The following PLEKHA3 variants were observed in gnomAD, a reference collection of about 807,000 sequenced individuals.
PLEKHA3 encodes the protein pleckstrin homology domain-containing family A member 3.
In PLEKHA3, 19 loss-of-function variants were observed where a neutral mutation model predicts 39.2. The observed-to-expected ratio is 0.48, with a 90% confidence interval of 0.34 to 0.71. PLEKHA3 has a LOEUF of 0.71. PLEKHA3 is among the 30% of genes least tolerant of loss of function. The pLI is 0.01. For missense variants in PLEKHA3, 253 were observed against 359.5 expected (o/e 0.70, Z 2.40); for synonymous variants, 97 against 118.6 (o/e 0.82, Z 1.18).
rs1329720301 is a variant in PLEKHA3, at chr2:178,506,760, C to G, written c.*2873C>G. ...TGAGCCTTGATCTGGGTACTTGGTA[C>G]AGAGGGAGTGTCCTGGCCTGAAAGA... On this transcript the variant is annotated 3_prime_UTR_variant, in exon 8 of 8. Transcript: ENST00000234453. The G allele has an allele frequency of 6.6e-6, 1 of 152,150 alleles. No individual in the cohort carries two copies. The highest frequency in any genetic ancestry group is 1.9e-4 in the East Asian group (1 of 5,198). 9.4% of individuals were successfully genotyped at this position (152,150 alleles called of 1,614,324 possible).
intron 7 of PLEKHA3, 49 bp from the exon 8 acceptor site, chr2:178,503,711 G>A: frequency 6.3e-7 from 1 of 1,588,124 alleles, no homozygotes; most frequent in Non-Finnish European, 8.6e-7. Flanking sequence ...ACAGAGGACT[G>A]GAGTTAATAT....
At chr2:178,498,178 C>G (rs1371252247) in intron 5 of PLEKHA3, among the ~76,000 whole-genome samples, 1 of 152,106 alleles carries the variant, frequency 6.6e-6, no homozygotes, top group Non-Finnish European at 1.5e-5. Context: ...ATCACTGGAC[C>G]TACAGATTGA....
In PLEKHA3 at chr2:178,509,504, G is replaced by A. The variant is rs1398497447; in HGVS notation, c.*5617G>A. On this transcript the variant is annotated 3_prime_UTR_variant, in exon 8 of 8. Transcript: ENST00000234453. ...TTTTTTTTTTTTTTTCTGAGACAGG[G>A]TCTCACTCTTTCACCCAGTCTTGAG... is the stretch of plus-strand genomic sequence containing the variant. 3 of 150,262 alleles carry A rather than the reference G, an allele frequency of 2.0e-5. No homozygotes were observed. The highest frequency in any genetic ancestry group is 4.4e-5 in the Non-Finnish European group (3 of 67,726). The allele number at this position is 150,262 out of a possible 1,614,324, so 9.3% of individuals were successfully genotyped here. A position where few individuals can be genotyped will look rare whatever the true frequency, so the allele number is the denominator to read the frequency against.
intron 5 of PLEKHA3, 105 bp downstream of exon 5, chr2:178,495,765 G>A: frequency 8.2e-7 from 1 of 1,220,852 alleles, no homozygotes; most frequent in Admixed American, 2.4e-5. Context: ...CAGTTGGGGG[G>A]CGGGGAACAG....
At position 178,507,663 on chromosome 2, in the gene PLEKHA3, T is replaced by TTTTTC. The variant is rs1685624942; in HGVS notation, c.*3780_*3781insCTTTT. On this transcript the variant is annotated 3_prime_UTR_variant, in exon 8 of 8. Transcript: ENST00000234453. ...AGTTTTTAGTCTCACATTAGGTTTT[T>TTTTTC]TTTTTTTTTTTTTTTTTTTTTTTTT... 3 of 76,836 alleles carry TTTTTC rather than the reference T, an allele frequency of 3.9e-5. No individual in the cohort carries two copies. The allele number at this position is 76,836 out of a possible 1,614,324, so 4.8% of individuals were successfully genotyped here. A position where few individuals can be genotyped will look rare whatever the true frequency, so the allele number is the denominator to read the frequency against.
rs1173043092 is a variant in PLEKHA3 at position 178,509,379 on chromosome 2, T to G, written c.*5492T>G. 1 of 152,198 alleles carries G rather than the reference T, an allele frequency of 6.6e-6. No individual in the cohort carries two copies. The highest frequency in any genetic ancestry group is 2.4e-5 in the African/African-American group (1 of 41,446). The allele number at this position is 152,198 out of a possible 1,614,324, so 9.4% of individuals were successfully genotyped here. ...GGGTTGTGAGGATTAGAAGAATCAA[T>G]TCATAAAAAGCAGTTAGAAAAGTGC... On this transcript the variant is annotated 3_prime_UTR_variant, in exon 8 of 8. Transcript: ENST00000234453.
rs1221037380 is a variant in PLEKHA3 at position 178,506,157 on chromosome 2, GA to G, written c.*2275del. 1 of 152,012 alleles carries G rather than the reference GA, an allele frequency of 6.6e-6. No individual in the cohort carries two copies. Among genetic ancestry groups the G allele is most frequent in the Non-Finnish European group, 1.5e-5 (1 of 67,972 alleles). The allele number at this position is 152,012 out of a possible 1,614,324, so 9.4% of individuals were successfully genotyped here. ...TTGTCAAGTTGTTCTATACTTTATA[GA>G]AAAATTATTGGTTATTATTAGTTAT... On this transcript the variant is annotated 3_prime_UTR_variant, in exon 8 of 8. Transcript: ENST00000234453.
At chr2:178,486,054 G>A (rs924608840) in intron 2 of PLEKHA3, among the ~76,000 whole-genome samples, 1 of 152,152 alleles carries the variant, frequency 6.6e-6, no homozygotes. Context: ...CAGTCTATAA[G>A]CATTCTATTT....
At chr2:178,503,610 T>G in intron 7 of PLEKHA3, 150 bp from the exon 8 acceptor site, 2 of 741,872 alleles carry the variant, frequency 2.7e-6, no homozygotes, top group Non-Finnish European at 4.2e-6. Flanking sequence ...AAAGTTAAGT[T>G]TTCCTGCATG....
intron 1 of PLEKHA3, among the ~76,000 whole-genome samples, chr2:178,483,718 C>T (rs1429195758): frequency 6.6e-6 from 1 of 152,160 alleles, no homozygotes; most frequent in Non-Finnish European, 1.5e-5. Flanking sequence ...ATGTTTTTAT[C>T]ATTTCCATGC....
At chr2:178,502,856 A>G (rs1685547426) in intron 7 of PLEKHA3, among the ~76,000 whole-genome samples, 1 of 151,814 alleles carries the variant, frequency 6.6e-6, no homozygotes, top group Non-Finnish European at 1.5e-5. Flanking sequence ...TCTCTAGAAC[A>G]TCTTTAAATT....
chr2:178,498,417 T>A (rs1200227726), intron 5 of PLEKHA3, among the ~76,000 whole-genome samples: 1 of 152,206 alleles, frequency 6.6e-6, no homozygotes, highest in Non-Finnish European at 1.5e-5. Flanking sequence ...ATGTTAGACC[T>A]GGGCTTGTTA....
intron 4 of PLEKHA3, 49 bp downstream of exon 4, chr2:178,494,038 T>G: frequency 1.3e-6 from 2 of 1,563,320 alleles, no homozygotes; most frequent in Non-Finnish European, 1.7e-6. Context: ...TGGAGTACTC[T>G]GGGGGGATCC....
Position 178,480,584 on chromosome 2 carries a change from A to T in PLEKHA3, c.-286A>T. On this transcript the variant is annotated 5_prime_UTR_variant, in exon 1 of 8. Coordinates refer to ENST00000234453, the MANE Select transcript of PLEKHA3 (RefSeq NM_019091.4). The stretch of plus-strand genomic sequence containing the variant: ...GCAGCCGGGCTGCGGAAGCGCGAGC[A>T]GGAGGCCGGTCGCGGGCGCATTTTT... 1 of 256,416 alleles carries T rather than the reference A, an allele frequency of 3.9e-6. No individual in the cohort carries two copies. Among genetic ancestry groups the T allele is most frequent in the Non-Finnish European group, 7.4e-6 (1 of 135,232 alleles). The allele number at this position is 256,416 out of a possible 1,614,324, so 15.9% of individuals were successfully genotyped here. A position where few individuals can be genotyped will look rare whatever the true frequency, so the allele number is the denominator to read the frequency against.
intron 1 of PLEKHA3, among the ~76,000 whole-genome samples, chr2:178,483,756 T>C (rs75341252): frequency 0.022 from 3,372 of 152,338 alleles, 56 homozygotes; most frequent in East Asian, 0.039. Context: ...CTCTCAAAGA[T>C]ATATTGTATG....
rs1435884799 is a variant in PLEKHA3, at chr2:178,506,229, G to A, written c.*2342G>A. 1 of 152,058 alleles carries A rather than the reference G, an allele frequency of 6.6e-6. No homozygotes were observed. Among genetic ancestry groups the A allele is most frequent in the Non-Finnish European group, 1.5e-5 (1 of 67,994 alleles). 9.4% of individuals were successfully genotyped at this position (152,058 alleles called of 1,614,324 possible). On this transcript the variant is annotated 3_prime_UTR_variant, in exon 8 of 8. Transcript: ENST00000234453. ...TTTGTCTAGGTCATGGGGTTATTGA[G>A]AAACATGAAAAGTTATTGAGAAATT... is the stretch of plus-strand genomic sequence containing the variant.
At chr2:178,496,500 C>G (rs933409535) in intron 5 of PLEKHA3, among the ~76,000 whole-genome samples, 1 of 140,134 alleles carries the variant, frequency 7.1e-6, no homozygotes, top group African/African-American at 3.0e-5. Flanking sequence ...TCTTACCTAT[C>G]CCAGCAAATT....
intron 1 of PLEKHA3, among the ~76,000 whole-genome samples, chr2:178,484,826 G>A (rs2154127554): frequency 6.6e-6 from 1 of 152,346 alleles, no homozygotes; most frequent in South Asian, 2.1e-4. Context: ...TGGGTGCCAA[G>A]GAAAGTCATC....
At chr2:178,483,819 C>T (rs1274314863) in intron 1 of PLEKHA3, among the ~76,000 whole-genome samples, 2 of 152,224 alleles carry the variant, frequency 1.3e-5, no homozygotes, top group East Asian at 1.9e-4. Flanking sequence ...TGGCCCACAT[C>T]TGTAATCCTA....
Sources: gnomAD v4.1 joint callset for allele counts (sites outside exome capture counted in the v4.1 genomes callset) on GRCh38, gnomAD v4.1.1 for gene constraint, MANE v1.5 for transcripts, NCBI Gene and HGNC (gene_info 2026-07-23, HGNC 2026-07-21) for gene names.